The following CELF1 variants were observed in gnomAD, a reference collection of about 807,000 sequenced individuals.
The protein encoded by CELF1 is CUGBP Elav-like family member 1, also known as 50 kDa nuclear polyadenylated RNA-binding protein.
Under a neutral mutation model 61.8 loss-of-function variants are expected in CELF1, and 10 were observed. That is an observed-to-expected ratio of 0.16 (90% CI 0.10 to 0.27). The LOEUF (loss-of-function observed/expected upper bound fraction) is 0.27. CELF1 is among the 10% of genes least tolerant of loss of function. CELF1 has a pLI of 1.00. For missense variants in CELF1, 380 were observed against 639.1 expected (o/e 0.59, Z 4.37); for synonymous variants, 236 against 225.1 (o/e 1.05, Z -0.43).
In CELF1 at chr11:47,511,816, A is replaced by G. The variant is rs535181632; in HGVS notation, c.-153-10884T>C. 7.2e-5 allele frequency among the ~76,000 whole-genome samples: 11 copies of G among 152,000 alleles called. No homozygotes were observed. The South Asian group carries it at 2.3e-3, about 32-fold the overall frequency. Reference sequence around the variant, plus strand: ...GGAAGCTCATGCACATAACCCACAGAAAGTCTGTTTAAATGCTAAGGGCCA... The same window carrying G: ...GGAAGCTCATGCACATAACCCACAGGAAGTCTGTTTAAATGCTAAGGGCCA... On this transcript the variant is annotated intron_variant, in intron 1 of 14. Transcript: ENST00000687097.
chr11:47,489,941 T>TTTTTTTTTTTTTTG, intron 3 of CELF1, among the ~76,000 whole-genome samples: 1 of 109,424 alleles, frequency 9.1e-6, no homozygotes, highest in South Asian at 3.2e-4. Flanking sequence ...TCTTGTTTTT[T>TTTTTTTTTTTTTTG]TTTTTTTTTT....
At chr11:47,552,969 T>C (rs1164727348) in intron 1 of CELF1, 23 bp downstream of exon 1, 1 of 397,340 alleles carries the variant, frequency 2.5e-6, no homozygotes, top group African/African-American at 2.1e-5. Flanking sequence ...CGCGGCCCGT[T>C]ATCCTGCGGC....
At chr11:47,522,868 G>A (rs193153062) in intron 1 of CELF1, among the ~76,000 whole-genome samples, 54 of 150,964 alleles carry the variant, frequency 3.6e-4, no homozygotes, top group Non-Finnish European at 6.9e-4. Context: ...AATAAAATAG[G>A]CTTCATTTAT....
chr11:47,504,327 T>G (rs1182679880), intron 1 of CELF1, among the ~76,000 whole-genome samples: 1 of 152,124 alleles, frequency 6.6e-6, no homozygotes, highest in East Asian at 1.9e-4. Flanking sequence ...GGGAAACGCC[T>G]GTAATCCCAG....
intron 1 of CELF1, among the ~76,000 whole-genome samples, chr11:47,522,541 C>CA (rs773080593): frequency 1.3e-5 from 2 of 151,096 alleles, no homozygotes; most frequent in East Asian, 2.0e-4. Context: ...ACAACAACAA[C>CA]AAAACGCCAG....
chr11:47,538,387 T>C (rs185439571), intron 1 of CELF1, among the ~76,000 whole-genome samples: 1 of 152,316 alleles, frequency 6.6e-6, no homozygotes, highest in East Asian at 1.9e-4. Context: ...CTCACGCCTC[T>C]AATCCCAGCA....
intron 1 of CELF1, among the ~76,000 whole-genome samples, chr11:47,539,792 CCA>C (rs2096728990): frequency 6.6e-6 from 1 of 152,212 alleles, no homozygotes; most frequent in South Asian, 2.1e-4. Context: ...TGCCCTCTCT[CCA>C]GAGCTGCATT....
chr11:47,512,400 G>A (rs1459075970), intron 1 of CELF1, among the ~76,000 whole-genome samples: 6 of 148,614 alleles, frequency 4.0e-5, no homozygotes, highest in Admixed American at 6.7e-5. Context: ...TGATCCACCT[G>A]CCTTGGCCTC....
chr11:47,486,970 A>G (rs1485275705), intron 5 of CELF1, among the ~76,000 whole-genome samples, 172 bp from the exon 6 acceptor site: 1 of 152,234 alleles, frequency 6.6e-6, no homozygotes, highest in Middle Eastern at 3.2e-3. Context: ...AAAATACACA[A>G]GACTCTTGAC....
chr11:47,560,934 C>A (rs1276308519), intron 2 of CELF1, among the ~76,000 whole-genome samples: 2 of 150,256 alleles, frequency 1.3e-5, no homozygotes, highest in Admixed American at 6.6e-5. Context: ...GTCAGGAGAT[C>A]GAGACCATCC....
chr11:47,555,935 G>T (rs1448050266), upstream of CELF1, among the ~76,000 whole-genome samples: 2 of 150,946 alleles, frequency 1.3e-5, no homozygotes, highest in African/African-American at 4.9e-5. Flanking sequence ...GGGAGACGGT[G>T]GTTGCAGTGA....
intron 1 of CELF1, among the ~76,000 whole-genome samples, chr11:47,552,681 G>C (rs751499757): frequency 1.3e-5 from 2 of 152,236 alleles, no homozygotes; most frequent in Non-Finnish European, 2.9e-5. Flanking sequence ...GGCAGGGCAC[G>C]AGGCCTCTGA....
At chr11:47,517,507 G>T (rs542516108) in intron 1 of CELF1, among the ~76,000 whole-genome samples, 3 of 152,110 alleles carry the variant, frequency 2.0e-5, no homozygotes, top group Non-Finnish European at 4.4e-5. Flanking sequence ...TGATCAAGAC[G>T]TATTCATATA....
chr11:47,514,251 A>G (rs1375432080), intron 1 of CELF1, among the ~76,000 whole-genome samples: 7 of 152,146 alleles, frequency 4.6e-5, no homozygotes. Flanking sequence ...TTCAAATTCA[A>G]TATTATACTA....
At chr11:47,518,991 T>C (rs755222137) in intron 1 of CELF1, among the ~76,000 whole-genome samples, 2 of 152,216 alleles carry the variant, frequency 1.3e-5, no homozygotes, top group South Asian at 2.1e-4. Context: ...TTTCTTTCTG[T>C]TCTTAAATTC....
intron 3 of CELF1, among the ~76,000 whole-genome samples, chr11:47,489,944 T>TTTTTTTTTG (rs1555170299): frequency 8.5e-6 from 1 of 117,274 alleles, no homozygotes; most frequent in Non-Finnish European, 1.8e-5. Context: ...TGTTTTTTTT[T>TTTTTTTTTG]TTTTTTTTTT....
At position 47,508,241 on chromosome 11, in the gene CELF1, C is replaced by G. The variant is rs538831324; in HGVS notation, c.-153-7309G>C. On this transcript the variant is annotated intron_variant, in intron 1 of 14. Coordinates refer to ENST00000687097, the MANE Select transcript of CELF1 (RefSeq NM_001376376.1). ...AAATTTCTACCTGTTAAGAGTTCTT[C>G]TGGAAGATGTAAAAGTCAAAGAAAA... Among the ~76,000 whole-genome samples the G allele has an allele frequency of 1.1e-4, 17 of 152,260 alleles. No homozygotes were observed. In the East Asian group the frequency reaches 3.3e-3, roughly 29 times the overall value.
At chr11:47,551,174 A>G (rs538954542) in intron 1 of CELF1, among the ~76,000 whole-genome samples, 1 of 152,310 alleles carries the variant, frequency 6.6e-6, no homozygotes, top group African/African-American at 2.4e-5. Context: ...CCAGATCTTA[A>G]GTCTAGATAG....
intron 1 of CELF1, among the ~76,000 whole-genome samples, chr11:47,551,355 C>T (rs968566096): frequency 3.9e-5 from 6 of 152,180 alleles, no homozygotes; most frequent in Non-Finnish European, 7.3e-5. Context: ...GTTAAAGCAA[C>T]AACTGAAAGC....
Sources: gnomAD v4.1 joint callset for allele counts (sites outside exome capture counted in the v4.1 genomes callset) on GRCh38, gnomAD v4.1.1 for gene constraint, MANE v1.5 for transcripts, NCBI Gene and HGNC (gene_info 2026-07-23, HGNC 2026-07-21) for gene names.